Variants in SRGAP1 observed in about 807,000 individuals in gnomAD.
The protein encoded by SRGAP1 is SLIT-ROBO Rho GTPase-activating protein 1.
In SRGAP1, 43 loss-of-function variants were observed where a neutral mutation model predicts 121.9. The observed-to-expected ratio is 0.35, with a 90% CI of 0.28 to 0.46. SRGAP1 has a LOEUF of 0.46. SRGAP1 is among the 20% of genes least tolerant of loss of function. The pLI is 1.00. For synonymous variants in SRGAP1, 447 were observed against 485.4 expected, an observed-to-expected ratio of 0.92 and a Z score of 1.04; for missense variants, 1,102 against 1,350.9, an observed-to-expected ratio of 0.82 and a Z score of 2.89.
At position 63,984,101 on chromosome 12, in the gene SRGAP1, C is replaced by A. The variant is rs201720400; in HGVS notation, c.222C>A (p.Phe74Leu). 1.1e-5 allele frequency: 16 copies of A among 1,522,776 alleles called. No individual in the cohort carries two copies. The Admixed American group carries it at 1.8e-4, about 17-fold the overall frequency. The allele number at this position is 1,522,776 out of a possible 1,614,324, so 94.3% of individuals were successfully genotyped here. ...SRNLEKLAER[F>L]MAKTRSTKDH... Reference sequence around the variant, plus strand: ...ATCTAGAGAAGTTAGCAGAAAGGTTCATGGCAAAAACAAGAAGCACTAAGG... The same window carrying A: ...ATCTAGAGAAGTTAGCAGAAAGGTTAATGGCAAAAACAAGAAGCACTAAGG... Residue 74 changes from phenylalanine (F) to leucine (L), a missense_variant, in exon 2 of 22, where the codon TTC becomes TTA. Phe to Leu is a conservative substitution (Grantham distance 22). Transcript: ENST00000355086.
intron 1 of SRGAP1, among the ~76,000 whole-genome samples, chr12:63,936,150 A>G (rs2031655040): frequency 1.3e-5 from 2 of 152,178 alleles, no homozygotes; most frequent in African/African-American, 4.8e-5. Flanking sequence ...AGTGTGCAGG[A>G]CGTACCAAAT....
intron 1 of SRGAP1, among the ~76,000 whole-genome samples, chr12:63,919,498 A>G (rs1013612115): frequency 8.8e-6 from 1 of 113,364 alleles, no homozygotes; most frequent in African/African-American, 3.9e-5. Context: ...ACTTAACATT[A>G]CATATATATA....
intron 8 of SRGAP1, among the ~76,000 whole-genome samples, chr12:64,072,780 C>A (rs528344849): frequency 6.6e-6 from 1 of 152,338 alleles, no homozygotes; most frequent in South Asian, 2.1e-4. Flanking sequence ...TAACACAGTG[C>A]ATTCAGGGAA....
chr12:64,070,838 A>G (rs73319378), intron 8 of SRGAP1, among the ~76,000 whole-genome samples: 24 of 152,310 alleles, frequency 1.6e-4, no homozygotes, highest in African/African-American at 5.8e-4. Flanking sequence ...TTTCCCCCCA[A>G]ATTTCTTATA....
At chr12:63,953,399 A>ATTTTTTTT (rs34352334) in intron 1 of SRGAP1, among the ~76,000 whole-genome samples, 4 of 114,702 alleles carry the variant, frequency 3.5e-5, no homozygotes, top group Non-Finnish European at 3.6e-5. Flanking sequence ...TTCTTGATTG[A>ATTTTTTTT]TTTTTTTTTT....
In SRGAP1 at chr12:64,155,789, C is replaced by T. The variant is rs948784241; in HGVS notation, c.*13117C>T. 6.6e-6 allele frequency: 1 copy of T among 151,954 alleles called. No homozygotes were observed. Among genetic ancestry groups the T allele is most frequent in the Non-Finnish European group, 1.5e-5 (1 of 68,044 alleles). 9.4% of individuals were successfully genotyped at this position (151,954 alleles called of 1,614,324 possible). ...CTGGGACTACAAGTGCGCACAACCA[C>T]ACCCAGCTAATTTTTTTGTATTTTT... On this transcript the variant is annotated 3_prime_UTR_variant, in exon 22 of 22. Coordinates refer to ENST00000355086, the MANE Select transcript of SRGAP1 (RefSeq NM_020762.4).
At chr12:64,131,129 T>C (rs2036778029) in intron 21 of SRGAP1, among the ~76,000 whole-genome samples, 1 of 152,060 alleles carries the variant, frequency 6.6e-6, no homozygotes, top group Admixed American at 6.6e-5. Context: ...AGAACAGGGG[T>C]GGCTGGGGAA....
chr12:64,126,527 G>A (rs1014399532), intron 19 of SRGAP1, among the ~76,000 whole-genome samples: 5 of 152,204 alleles, frequency 3.3e-5, no homozygotes, highest in African/African-American at 1.2e-4. Context: ...CTGACCTAAA[G>A]TCAGAGGGAA....
At chr12:64,043,606 A>C in intron 6 of SRGAP1, 31 bp downstream of exon 6, 1 of 1,528,388 alleles carries the variant, frequency 6.5e-7, no homozygotes, top group South Asian at 1.2e-5. Flanking sequence ...TCTTTTCCAT[A>C]TTAAAATGAA....
chr12:63,904,075 A>C (rs995792171), intron 1 of SRGAP1, among the ~76,000 whole-genome samples: 20 of 152,148 alleles, frequency 1.3e-4, no homozygotes, highest in African/African-American at 4.8e-4. Context: ...AATCCCCTGG[A>C]ATGCATTCCC....
intron 1 of SRGAP1, among the ~76,000 whole-genome samples, chr12:63,934,845 A>G (rs1373984159): frequency 6.6e-6 from 1 of 152,176 alleles, no homozygotes; most frequent in African/African-American, 2.4e-5. Context: ...AGGTTCTATA[A>G]TATCCCTACC....
At chr12:63,940,023 G>A (rs1186508132) in intron 1 of SRGAP1, among the ~76,000 whole-genome samples, 1 of 151,548 alleles carries the variant, frequency 6.6e-6, no homozygotes, top group East Asian at 1.9e-4. Context: ...ATGCAGTGGC[G>A]CAATCTCGGC....
chr12:63,959,988 C>A (rs541400750), intron 1 of SRGAP1, among the ~76,000 whole-genome samples: 2 of 152,190 alleles, frequency 1.3e-5, no homozygotes, highest in African/African-American at 4.8e-5. Flanking sequence ...TTTAACTCAG[C>A]ATTGAGGTGA....
intron 1 of SRGAP1, among the ~76,000 whole-genome samples, chr12:63,967,009 G>A (rs1653271049): frequency 6.6e-6 from 1 of 152,152 alleles, no homozygotes. Context: ...TTTTTGATAG[G>A]TTGGCTTTAT....
At chr12:63,976,347 C>T (rs1022694367) in intron 1 of SRGAP1, among the ~76,000 whole-genome samples, 4 of 152,132 alleles carry the variant, frequency 2.6e-5, no homozygotes, top group African/African-American at 7.2e-5. Context: ...TCTCCTACTT[C>T]CTTCAGCCAG....
chr12:64,045,119 A>C (rs946281322), intron 6 of SRGAP1, among the ~76,000 whole-genome samples: 3 of 152,188 alleles, frequency 2.0e-5, no homozygotes, highest in African/African-American at 7.2e-5. Context: ...CATTTATTAC[A>C]AAATATTTCA....
chr12:64,028,177 T>C (rs966323266), intron 4 of SRGAP1, among the ~76,000 whole-genome samples: 2 of 152,282 alleles, frequency 1.3e-5, no homozygotes, highest in Admixed American at 6.5e-5. Flanking sequence ...GCTTAGCTCC[T>C]GCTACCACTG....
At chr12:63,973,358 C>T (rs2136394689) in intron 1 of SRGAP1, among the ~76,000 whole-genome samples, 1 of 152,236 alleles carries the variant, frequency 6.6e-6, no homozygotes, top group East Asian at 1.9e-4. Context: ...TGTAAGTTTG[C>T]ATCGTAGTCT....
rs1436102894 is a variant in SRGAP1, at chr12:64,055,292, AC to A, written c.802-7624del. On this transcript the variant is annotated intron_variant, in intron 6 of 21. Coordinates refer to ENST00000355086, the MANE Select transcript of SRGAP1 (RefSeq NM_020762.4). ...AATAAAATACCTAGGAATCCAACTT[AC>A]AAGGGATGTGAAGGACCTCTTCAAG... 7.7e-5 allele frequency among the ~76,000 whole-genome samples: 11 copies of A among 142,648 alleles called. No individual in the cohort carries two copies. The Admixed American group carries it at 7.7e-4, about 10-fold the overall frequency. 93.6% of individuals were successfully genotyped at this position (142,648 alleles called of 152,430 possible).
Sources: gnomAD v4.1 joint callset for allele counts (sites outside exome capture counted in the v4.1 genomes callset) on GRCh38, gnomAD v4.1.1 for gene constraint, MANE v1.5 for transcripts, NCBI Gene and HGNC (gene_info 2026-07-23, HGNC 2026-07-21) for gene names.